Variants in EBF1 observed in about 807,000 individuals in gnomAD.
The protein encoded by EBF1 is transcription factor COE1.
In EBF1, 10 loss-of-function variants were observed where a neutral mutation model predicts 68.4. The ratio of observed to expected loss-of-function variants is 0.15; its 90% CI spans 0.09 to 0.25. The LOEUF is 0.25. EBF1 is among the 10% of genes least tolerant of loss of function. EBF1 has a pLI of 1.00. For synonymous variants in EBF1, 298 were observed against 299.8 expected (o/e 0.99, Z 0.06); for missense variants, 509 against 794.4 (o/e 0.64, Z 4.32).
chr5:158,743,675 A>G (rs1166621597), intron 10 of EBF1, among the ~76,000 whole-genome samples: 1 of 152,224 alleles, frequency 6.6e-6, no homozygotes, highest in Non-Finnish European at 1.5e-5. Context: ...GAATTCAGCA[A>G]CATGCCAGAT....
chr5:159,040,885 A>G (rs910011850), intron 6 of EBF1, among the ~76,000 whole-genome samples: 1 of 152,220 alleles, frequency 6.6e-6, no homozygotes, highest in Non-Finnish European at 1.5e-5. Flanking sequence ...GGGGTGACAT[A>G]TACTCATGTA....
chr5:158,852,667 T>A (rs1793189732), intron 6 of EBF1, among the ~76,000 whole-genome samples: 3 of 152,316 alleles, frequency 2.0e-5, no homozygotes, highest in South Asian at 4.1e-4. Context: ...CATAAAAATA[T>A]AAGAAGAAAT....
chr5:158,855,281 T>A (rs770741256), intron 6 of EBF1, among the ~76,000 whole-genome samples: 10 of 152,226 alleles, frequency 6.6e-5, no homozygotes, highest in Non-Finnish European at 1.0e-4. Flanking sequence ...TGCATCACTT[T>A]AAAAAATCAT....
chr5:158,698,930 G>T lies in EBF1; in HGVS notation c.*181C>A, dbSNP rs1342096630. ...CTTTAACCAACACCCTGCACTTGCAGATCCCTCTTCCAATTTCAGTATTTG... is the reference window on the plus strand; with the variant it reads ...CTTTAACCAACACCCTGCACTTGCATATCCCTCTTCCAATTTCAGTATTTG... On this transcript the variant is annotated 3_prime_UTR_variant, in exon 16 of 16. Transcript: ENST00000313708. 3 of 484,984 alleles carry T rather than the reference G, an allele frequency of 6.2e-6. No homozygotes were observed. Among genetic ancestry groups the T allele is most frequent in the African/African-American group, 6.0e-5 (3 of 49,790 alleles). 30.0% of individuals were successfully genotyped at this position (484,984 alleles called of 1,614,324 possible).
chr5:158,763,934 C>A (rs1474116852), intron 10 of EBF1, among the ~76,000 whole-genome samples: 9 of 152,146 alleles, frequency 5.9e-5, no homozygotes, highest in Non-Finnish European at 4.4e-5. Context: ...CTCTGAGGAC[C>A]TTTCCAACTC....
At chr5:158,978,321 T>C (rs1757191260) in intron 6 of EBF1, among the ~76,000 whole-genome samples, 1 of 152,260 alleles carries the variant, frequency 6.6e-6, no homozygotes, top group South Asian at 2.1e-4. Flanking sequence ...CAGGCGGATG[T>C]CTTTTAAAAA....
At chr5:158,855,171 A>C (rs1024970715) in intron 6 of EBF1, among the ~76,000 whole-genome samples, 2 of 152,384 alleles carry the variant, frequency 1.3e-5, no homozygotes, top group Admixed American at 1.3e-4. Context: ...ACTTCCTTGT[A>C]TCAAAAACAG....
At chr5:158,878,464 G>A (rs1004218502) in intron 6 of EBF1, among the ~76,000 whole-genome samples, 4 of 152,050 alleles carry the variant, frequency 2.6e-5, no homozygotes, top group African/African-American at 9.7e-5. Flanking sequence ...CTTATTGTGG[G>A]CCAGGTGCCC....
At chr5:159,090,259 A>G (rs371004373) in intron 4 of EBF1, among the ~76,000 whole-genome samples, 12 of 47,590 alleles carry the variant, frequency 2.5e-4, no homozygotes, top group Non-Finnish European at 4.6e-4. Flanking sequence ...AAAAGAAAGA[A>G]AAAAAAAAAG....
intron 7 of EBF1, among the ~76,000 whole-genome samples, chr5:158,833,828 G>A (rs557757820): frequency 3.9e-5 from 6 of 152,284 alleles, no homozygotes; most frequent in Non-Finnish European, 8.8e-5. Context: ...TGTTACAAGA[G>A]CTAGTATCAT....
intron 4 of EBF1, among the ~76,000 whole-genome samples, chr5:159,090,807 G>GTAA (rs138049191): frequency 0.024 from 3,580 of 149,266 alleles, 63 homozygotes; most frequent in East Asian, 0.047. Context: ...ACCCAATGGG[G>GTAA]TAATAATAAT....
intron 6 of EBF1, among the ~76,000 whole-genome samples, chr5:158,865,346 T>A (rs73300048): frequency 6.6e-6 from 1 of 152,196 alleles, no homozygotes; most frequent in East Asian, 1.9e-4. Flanking sequence ...CTACCACTTA[T>A]CAGTTGTGTG....
At chr5:158,860,536 A>T (rs767587074) in intron 6 of EBF1, among the ~76,000 whole-genome samples, 1 of 152,108 alleles carries the variant, frequency 6.6e-6, no homozygotes, top group Non-Finnish European at 1.5e-5. Context: ...ACCTCTCACG[A>T]TTTCCACTGA....
At chr5:158,892,827 CTTATTT>C (rs1406110669) in intron 6 of EBF1, among the ~76,000 whole-genome samples, 1 of 152,096 alleles carries the variant, frequency 6.6e-6, no homozygotes, top group African/African-American at 2.4e-5. Flanking sequence ...AATTTCTATT[CTTATTT>C]TTTATTATTT....
intron 11 of EBF1, among the ~76,000 whole-genome samples, chr5:158,720,925 C>A (rs1035490553): frequency 6.6e-6 from 1 of 152,212 alleles, no homozygotes; most frequent in South Asian, 2.1e-4. Context: ...TAAGAAGATT[C>A]AGCTGAAGCT....
At position 158,698,664 on chromosome 5, in the gene EBF1, T is replaced by TTTC; in HGVS notation, c.*446_*447insGAA. 7.2e-6 allele frequency: 1 copy of TTTC among 139,286 alleles called. No homozygotes were observed. The highest frequency in any genetic ancestry group is 1.5e-5 in the Non-Finnish European group (1 of 65,252). 8.6% of individuals were successfully genotyped at this position (139,286 alleles called of 1,614,324 possible). On this transcript the variant is annotated 3_prime_UTR_variant, in exon 16 of 16. Coordinates refer to ENST00000313708, the MANE Select transcript of EBF1 (RefSeq NM_024007.5). The stretch of plus-strand genomic sequence containing the variant: ...AGCTTTTTTTTTTTTCCTTTTTTTC[T>TTTC]TTTTTTTTTTTTTTACTTTTTTGTA...
intron 9 of EBF1, among the ~76,000 whole-genome samples, chr5:158,790,497 T>TG (rs540122688): frequency 4.2e-4 from 61 of 146,086 alleles, no homozygotes; most frequent in African/African-American, 1.3e-3. Context: ...AGGTGATCCT[T>TG]GGGGAAAAAA....
chr5:158,953,483 C>T (rs191284342), intron 6 of EBF1, among the ~76,000 whole-genome samples: 2 of 152,278 alleles, frequency 1.3e-5, no homozygotes, highest in East Asian at 1.9e-4. Context: ...AATCCAATGA[C>T]TTGAGTCACA....
At chr5:158,812,804 C>T (rs1782940760) in intron 8 of EBF1, among the ~76,000 whole-genome samples, 1 of 152,146 alleles carries the variant, frequency 6.6e-6, no homozygotes, top group African/African-American at 2.4e-5. Flanking sequence ...ATTTTCTCTC[C>T]TGATGCAAGT....
Sources: allele counts gnomAD v4.1 joint callset (sites outside exome capture counted in the v4.1 genomes callset), GRCh38; gene constraint gnomAD v4.1.1; transcripts MANE v1.5; gene names NCBI Gene and HGNC (gene_info 2026-07-23, HGNC 2026-07-21).